DLG2: variants seen among roughly 807,000 people sequenced by gnomAD.
DLG2 encodes discs large MAGUK scaffold protein 2.
In DLG2, 45 loss-of-function variants were observed where a neutral mutation model predicts 132.5. The ratio of observed to expected loss-of-function variants is 0.34; its 90% CI spans 0.27 to 0.44. DLG2 has a LOEUF of 0.44. DLG2 is among the 20% of genes least tolerant of loss of function. The probability of loss-of-function intolerance (pLI) is 1.00; values close to 1 mark genes in which losing one functional copy is unlikely to be tolerated. For missense variants in DLG2, 1,045 were observed against 1,196.9 expected, an observed-to-expected ratio of 0.87 and a Z score of 1.87; for synonymous variants, 424 against 419.6, an observed-to-expected ratio of 1.01 and a Z score of -0.13.
At chr11:83,984,538 T>C (rs2093091224) in intron 11 of DLG2, among the ~76,000 whole-genome samples, 1 of 152,174 alleles carries the variant, frequency 6.6e-6, no homozygotes, top group Non-Finnish European at 1.5e-5. Context: ...GGTGGAAATA[T>C]CTATCTGTGC....
intron 15 of DLG2, among the ~76,000 whole-genome samples, chr11:83,875,510 A>C (rs545999091): frequency 4.5e-4 from 68 of 152,296 alleles, no homozygotes; most frequent in African/African-American, 1.6e-3. Flanking sequence ...ACAATTTTTC[A>C]CATTTTTAAG....
intron 6 of DLG2, among the ~76,000 whole-genome samples, chr11:84,603,219 C>A (rs547477222): frequency 1.3e-5 from 2 of 151,988 alleles, no homozygotes; most frequent in East Asian, 3.9e-4. Flanking sequence ...ACTGTCTCTA[C>A]CAATAAATAT....
At chr11:83,833,870 T>C (rs2055302139) in intron 16 of DLG2, 100 bp from the exon 17 acceptor site, 5 of 1,225,572 alleles carry the variant, frequency 4.1e-6, no homozygotes, top group Non-Finnish European at 5.6e-6. Context: ...AACTCACTAC[T>C]TGTAAAATTG....
chr11:84,606,391 G>A (rs774016713), intron 6 of DLG2, among the ~76,000 whole-genome samples: 5 of 152,190 alleles, frequency 3.3e-5, no homozygotes, highest in Admixed American at 3.3e-4. Flanking sequence ...CACACACATG[G>A]AAATACTCCA....
At chr11:85,579,191 CAT>C (rs534807247) in intron 3 of DLG2, among the ~76,000 whole-genome samples, 84 of 152,056 alleles carry the variant, frequency 5.5e-4, no homozygotes, top group African/African-American at 2.0e-3. Context: ...GATGAGAACA[CAT>C]GGATACATAG....
At chr11:84,138,507 A>G (rs1415840639) in intron 9 of DLG2, among the ~76,000 whole-genome samples, 2 of 152,212 alleles carry the variant, frequency 1.3e-5, no homozygotes, top group Non-Finnish European at 2.9e-5. Context: ...GCCCGTCCCT[A>G]AAGTAATATG....
chr11:84,589,658 T>C (rs562517835), intron 6 of DLG2, among the ~76,000 whole-genome samples: 2 of 152,330 alleles, frequency 1.3e-5, no homozygotes, highest in South Asian at 4.1e-4. Context: ...TCTTCTATTA[T>C]AACATGCATC....
intron 3 of DLG2, among the ~76,000 whole-genome samples, chr11:85,428,601 C>T (rs935457686): frequency 3.3e-5 from 5 of 151,960 alleles, no homozygotes; most frequent in South Asian, 4.1e-4. Context: ...CACAACATAC[C>T]AGAATCTGTG....
intron 7 of DLG2, among the ~76,000 whole-genome samples, chr11:84,527,029 C>T (rs1280362952): frequency 2.0e-5 from 3 of 152,082 alleles, no homozygotes; most frequent in African/African-American, 2.4e-5. Flanking sequence ...CCACCCGCCT[C>T]GGCCTCCCAA....
intron 3 of DLG2, among the ~76,000 whole-genome samples, chr11:85,315,848 A>C (rs2080631006): frequency 6.6e-6 from 1 of 151,786 alleles, no homozygotes; most frequent in Non-Finnish European, 1.5e-5. Context: ...CACCTCTCTC[A>C]ATCAGAGGAG....
At chr11:83,464,515 T>C (rs2090644291) in intron 26 of DLG2, among the ~76,000 whole-genome samples, 1 of 152,244 alleles carries the variant, frequency 6.6e-6, no homozygotes, top group South Asian at 2.1e-4. Flanking sequence ...TTGGTCTGAA[T>C]GTCACCATCA....
chr11:83,566,713 GT>G (rs1344862552), intron 19 of DLG2, among the ~76,000 whole-genome samples: 68 of 4,788 alleles, frequency 0.014, no homozygotes, highest in African/African-American at 0.071. Context: ...AGAGGGCATG[GT>G]GTGTGTGTGT....
intron 6 of DLG2, among the ~76,000 whole-genome samples, chr11:84,676,252 G>A (rs1274546807): frequency 6.6e-6 from 1 of 152,086 alleles, no homozygotes. Flanking sequence ...CATCCTGGAT[G>A]TGGAGAATAC....
At chr11:85,196,033 G>A (rs1036996124) in intron 4 of DLG2, among the ~76,000 whole-genome samples, 12 of 151,640 alleles carry the variant, frequency 7.9e-5, no homozygotes, top group African/African-American at 2.9e-4. Flanking sequence ...TTTTCTTTTG[G>A]AATGAGAATT....
intron 3 of DLG2, among the ~76,000 whole-genome samples, chr11:85,292,478 G>A (rs2078954097): frequency 6.6e-6 from 1 of 151,506 alleles, no homozygotes. Flanking sequence ...AAAACCCGGA[G>A]TCCAAGGACT....
chr11:83,561,916 G>A (rs1484509700), intron 19 of DLG2, among the ~76,000 whole-genome samples: 3 of 109,964 alleles, frequency 2.7e-5, no homozygotes, highest in African/African-American at 1.1e-4. Context: ...TTGAGATGGA[G>A]TCTTGCTCTG....
chr11:84,364,960 G>A (rs1299396858), intron 7 of DLG2, among the ~76,000 whole-genome samples: 1 of 152,060 alleles, frequency 6.6e-6, no homozygotes, highest in African/African-American at 2.4e-5. Context: ...CAAGGATATT[G>A]GTCTAAAATT....
intron 7 of DLG2, among the ~76,000 whole-genome samples, chr11:84,370,312 A>G (rs1423885367): frequency 6.6e-6 from 1 of 152,142 alleles, no homozygotes; most frequent in African/African-American, 2.4e-5. Context: ...AATATTATTC[A>G]TTTAAAAGTG....
At chr11:84,955,177 C>T (rs1029249996) in intron 6 of DLG2, among the ~76,000 whole-genome samples, 1 of 152,186 alleles carries the variant, frequency 6.6e-6, no homozygotes, top group Non-Finnish European at 1.5e-5. Context: ...ACTTGTTTTA[C>T]ATTGCAGTAT....
Sources: allele counts gnomAD v4.1 joint callset (sites outside exome capture counted in the v4.1 genomes callset), GRCh38; gene constraint gnomAD v4.1.1; transcripts MANE v1.5; gene names NCBI Gene and HGNC (gene_info 2026-07-23, HGNC 2026-07-21).